Variants in TCF20 observed in about 807,000 individuals in gnomAD.
TCF20 encodes SPRE-binding protein.
Under a neutral mutation model 148.6 loss-of-function variants are expected in TCF20, and 3 were observed. The observed-to-expected ratio is 0.02, with a 90% confidence interval of 0.01 to 0.05. The LOEUF is 0.05. Ranked by LOEUF, TCF20 falls within the 10% of genes least tolerant of loss-of-function variation. The probability of loss-of-function intolerance (pLI) is 1.00; values close to 1 mark genes in which losing one functional copy is unlikely to be tolerated. For synonymous variants in TCF20, 1,049 were observed against 909.5 expected (o/e 1.15, Z -2.76); for missense variants, 2,350 against 2,429.3 (o/e 0.97, Z 0.69).
At chr22:42,266,926 T>A (rs1241402040) in intron 1 of TCF20, among the ~76,000 whole-genome samples, 1 of 152,258 alleles carries the variant, frequency 6.6e-6, no homozygotes, top group African/African-American at 2.4e-5. Flanking sequence ...TTTTTTCCCT[T>A]GTAAGTTTTA....
intron 1 of TCF20, among the ~76,000 whole-genome samples, chr22:42,243,127 G>T (rs1164615564): frequency 6.6e-6 from 1 of 151,604 alleles, no homozygotes; most frequent in South Asian, 2.1e-4. Context: ...ATTAGCAGAT[G>T]TAAGACATTA....
chr22:42,243,524 C>T (rs894022673), intron 1 of TCF20, among the ~76,000 whole-genome samples: 1 of 151,980 alleles, frequency 6.6e-6, no homozygotes, highest in South Asian at 2.1e-4. Context: ...ATCGCTTGAA[C>T]CCTGGAGGTG....
intron 1 of TCF20, among the ~76,000 whole-genome samples, chr22:42,289,071 C>A (rs1236936792): frequency 2.0e-5 from 3 of 152,188 alleles, no homozygotes; most frequent in Non-Finnish European, 4.4e-5. Context: ...CAGGCGGGGG[C>A]CGATGACTGG....
At chr22:42,227,841 A>G (rs762035128) in intron 1 of TCF20, among the ~76,000 whole-genome samples, 10 of 152,238 alleles carry the variant, frequency 6.6e-5, no homozygotes, top group African/African-American at 2.4e-4. Context: ...TTGCATAAGA[A>G]GAAGACTGAT....
chr22:42,273,055 T>C (rs1258867149), upstream of TCF20, among the ~76,000 whole-genome samples: 7 of 151,972 alleles, frequency 4.6e-5, no homozygotes, highest in Non-Finnish European at 7.4e-5. Context: ...TAAGGTGTTG[T>C]GGGACTCTCA....
intron 1 of TCF20, among the ~76,000 whole-genome samples, chr22:42,276,071 A>C (rs1282810577): frequency 6.6e-6 from 1 of 152,174 alleles, no homozygotes; most frequent in African/African-American, 2.4e-5. Context: ...TCTGCCTGAA[A>C]GCTCAAGACT....
At chr22:42,335,962 C>A (rs1928059835) in intron 1 of TCF20, among the ~76,000 whole-genome samples, 1 of 152,234 alleles carries the variant, frequency 6.6e-6, no homozygotes, top group East Asian at 1.9e-4. Flanking sequence ...TCTGCCCAGA[C>A]ACCAGGAATA....
chr22:42,211,900 G>A lies in TCF20; in HGVS notation c.3406C>T (p.Leu1136=). 1 of 1,614,150 alleles carries A rather than the reference G, an allele frequency of 6.2e-7. No individual in the cohort carries two copies. Among genetic ancestry groups the A allele is most frequent in the African/African-American group, 1.3e-5 (1 of 75,018 alleles). Reference sequence around the variant, plus strand: ...ATCATACCATCTTTGTCATTTTTCAGAGGGCTCCGTACTCTGTCAAGAAAC... The same window carrying A: ...ATCATACCATCTTTGTCATTTTTCAAAGGGCTCCGTACTCTGTCAAGAAAC... ...QQFLDRVRSP[L]KNDKDGMMYG... The change falls in exon 2 of 6, where the codon CTG becomes TTG. Residue 1136 remains leucine (L), a synonymous_variant. Coordinates refer to ENST00000677622, the MANE Select transcript of TCF20 (RefSeq NM_001378418.1).
chr22:42,246,277 G>A (rs1924896727), intron 1 of TCF20, among the ~76,000 whole-genome samples: 1 of 152,050 alleles, frequency 6.6e-6, no homozygotes, highest in African/African-American at 2.4e-5. Context: ...GCTAACTTTC[G>A]TATTTTTGGT....
chr22:42,189,996 G>C (rs762397761), intron 2 of TCF20, among the ~76,000 whole-genome samples: 12 of 152,178 alleles, frequency 7.9e-5, no homozygotes, highest in Admixed American at 1.3e-4. Context: ...AATAGCAGCA[G>C]GGCTAAAAGA....
chr22:42,216,740 G>A (rs901789002), intron 1 of TCF20, among the ~76,000 whole-genome samples: 1 of 152,334 alleles, frequency 6.6e-6, no homozygotes, highest in East Asian at 1.9e-4. Context: ...GCAAAAAACA[G>A]AGAGGAAAAT....
At chr22:42,185,633 G>C (rs142291022) in intron 2 of TCF20, among the ~76,000 whole-genome samples, 2 of 152,286 alleles carry the variant, frequency 1.3e-5, no homozygotes, top group African/African-American at 4.8e-5. Context: ...CATACAAGGA[G>C]CTACCCTTCA....
chr22:42,173,570 A>C (rs1300757089), intron 3 of TCF20, among the ~76,000 whole-genome samples: 1 of 152,230 alleles, frequency 6.6e-6, no homozygotes, highest in Non-Finnish European at 1.5e-5. Flanking sequence ...TCTCAAACCA[A>C]GGACTTATTT....
At chr22:42,288,832 T>C (rs1413426970), upstream of TCF20, among the ~76,000 whole-genome samples, 3 of 150,210 alleles carry the variant, frequency 2.0e-5, no homozygotes, top group African/African-American at 7.4e-5. Context: ...ATTCTACAGA[T>C]AAGGAAACTG....
At chr22:42,224,921 T>A (rs559042710) in intron 1 of TCF20, among the ~76,000 whole-genome samples, 1 of 151,968 alleles carries the variant, frequency 6.6e-6, no homozygotes, top group Non-Finnish European at 1.5e-5. Flanking sequence ...TTCTGGACTA[T>A]CCAAGATGGC....
chr22:42,328,982 G>A (rs1372914782), intron 1 of TCF20, among the ~76,000 whole-genome samples: 1 of 152,234 alleles, frequency 6.6e-6, no homozygotes, highest in Non-Finnish European at 1.5e-5. Context: ...GCCCAGGCCG[G>A]CTGGAGCCTG....
chr22:42,248,410 A>T (rs533419329), intron 1 of TCF20, among the ~76,000 whole-genome samples: 8 of 152,224 alleles, frequency 5.3e-5, no homozygotes, highest in Non-Finnish European at 1.2e-4. Flanking sequence ...CGTTTTACAG[A>T]TAAAATACTG....
chr22:42,288,354 A>G (rs1927069368), upstream of TCF20, among the ~76,000 whole-genome samples: 1 of 152,012 alleles, frequency 6.6e-6, no homozygotes, highest in Non-Finnish European at 1.5e-5. Flanking sequence ...TGGCCAACAT[A>G]GTGAAACCCT....
chr22:42,224,465 CA>C (rs1226364120), intron 1 of TCF20, among the ~76,000 whole-genome samples: 9 of 82,122 alleles, frequency 1.1e-4, no homozygotes, highest in Admixed American at 1.7e-4. Flanking sequence ...GACTCTGTCT[CA>C]AAAAAAAAAT....
Sources: allele counts gnomAD v4.1 joint callset (sites outside exome capture counted in the v4.1 genomes callset), GRCh38; gene constraint gnomAD v4.1.1; transcripts MANE v1.5; gene names NCBI Gene and HGNC (gene_info 2026-07-23, HGNC 2026-07-21).